The following SYT1 variants were observed in gnomAD, a reference collection of about 807,000 sequenced individuals.
SYT1 encodes the protein synaptotagmin-1.
SYT1 carries 8 observed loss-of-function variants against 44.8 expected under a neutral mutation model. That is an observed-to-expected ratio of 0.18 (90% confidence interval 0.10 to 0.32). The LOEUF (loss-of-function observed/expected upper bound fraction) is 0.32, where lower values mean the gene tolerates loss of function less well. Among genes scored for constraint, SYT1 ranks in the 10% least tolerant of loss-of-function variants. The probability of loss-of-function intolerance (pLI) is 1.00; values close to 1 mark genes in which losing one functional copy is unlikely to be tolerated. For synonymous variants in SYT1, 154 were observed against 188.8 expected (o/e 0.82, Z 1.51); for missense variants, 286 against 509.3 (o/e 0.56, Z 4.22).
At chr12:78,876,857 A>ATATT (rs1491556197) in intron 1 of SYT1, among the ~76,000 whole-genome samples, 1 of 52,822 alleles carries the variant, frequency 1.9e-5, no homozygotes, top group African/African-American at 1.5e-4. Context: ...TATTATATAT[A>ATATT]ATATATATAA....
At chr12:78,995,136 T>A (rs1461550044) in intron 2 of SYT1, among the ~76,000 whole-genome samples, 1 of 152,156 alleles carries the variant, frequency 6.6e-6, no homozygotes, top group Non-Finnish European at 1.5e-5. Flanking sequence ...GCATTAGGAT[T>A]TTTTTAAATC....
At chr12:79,224,732 ATTTT>A (rs1211446112) in intron 4 of SYT1, among the ~76,000 whole-genome samples, 7 of 68,042 alleles carry the variant, frequency 1.0e-4, no homozygotes, top group Admixed American at 5.0e-4. Context: ...GTTTTGTTTC[ATTTT>A]TTATTTATTT....
chr12:79,170,164 T>C (rs1871433191), intron 3 of SYT1, among the ~76,000 whole-genome samples: 1 of 152,136 alleles, frequency 6.6e-6, no homozygotes, highest in African/African-American at 2.4e-5. Flanking sequence ...AACATACACA[T>C]GCATGAGTCT....
At chr12:79,104,139 T>A (rs1878584220) in intron 3 of SYT1, among the ~76,000 whole-genome samples, 1 of 151,392 alleles carries the variant, frequency 6.6e-6, no homozygotes, top group African/African-American at 2.4e-5. Flanking sequence ...TATGTTGACA[T>A]CATTCAATGG....
intron 9 of SYT1, among the ~76,000 whole-genome samples, chr12:79,388,252 T>C (rs1425135056): frequency 6.6e-6 from 1 of 152,226 alleles, no homozygotes; most frequent in Non-Finnish European, 1.5e-5. Context: ...AGTTTTCTAG[T>C]TCCTTGGTCA....
chr12:79,008,660 G>A (rs1871237952), intron 2 of SYT1, among the ~76,000 whole-genome samples: 1 of 152,016 alleles, frequency 6.6e-6, no homozygotes, highest in South Asian at 2.1e-4. Context: ...GAGAGTGAGG[G>A]AAAGAACAGA....
In SYT1 at chr12:79,204,108, A is replaced by G. The variant is rs576404468; in HGVS notation, c.-17-13395A>G. Among the ~76,000 whole-genome samples, 4 of 152,352 alleles carry G rather than the reference A, an allele frequency of 2.6e-5. No individual in the cohort carries two copies. In the East Asian group the frequency reaches 7.7e-4, roughly 29 times the overall value. On this transcript the variant is annotated intron_variant, in intron 3 of 10. Transcript: ENST00000261205. Reference sequence around the variant, plus strand: ...CAAACTTTGGCAAATTCTCTCATCTATAATAGAGAGACACTGTAATAATAT... The same window carrying G: ...CAAACTTTGGCAAATTCTCTCATCTGTAATAGAGAGACACTGTAATAATAT...
intron 1 of SYT1, among the ~76,000 whole-genome samples, chr12:78,929,358 C>CGCCAGT (rs1380066759): frequency 8.1e-6 from 1 of 123,510 alleles, no homozygotes; most frequent in Non-Finnish European, 1.6e-5. Flanking sequence ...GTGGAGATTG[C>CGCCAGT]GCCAGTGTAC....
chr12:79,142,601 T>C (rs1014295768), intron 3 of SYT1, among the ~76,000 whole-genome samples: 2 of 152,226 alleles, frequency 1.3e-5, no homozygotes, highest in Non-Finnish European at 2.9e-5. Flanking sequence ...ATATTTCCAT[T>C]TGGCAAAATG....
At position 79,071,578 on chromosome 12, in the gene SYT1, T is replaced by C. The variant is rs377344040; in HGVS notation, c.-18+24216T>C. Among the ~76,000 whole-genome samples the C allele has an allele frequency of 5.9e-5, 9 of 152,276 alleles. 1 individual carries two copies. The highest frequency in any genetic ancestry group is 3.9e-4 in the East Asian group (2 of 5,186). ...TAACCTCAACAAAAGAAATTTATTCTCTCACAGTTCTGAAGACTAGAAATC... is the reference window on the plus strand; with the variant it reads ...TAACCTCAACAAAAGAAATTTATTCCCTCACAGTTCTGAAGACTAGAAATC... On this transcript the variant is annotated intron_variant, in intron 3 of 10. Coordinates refer to ENST00000261205, the MANE Select transcript of SYT1 (RefSeq NM_005639.3).
intron 3 of SYT1, among the ~76,000 whole-genome samples, chr12:79,190,507 C>A (rs376745325): frequency 7.2e-5 from 11 of 152,066 alleles, no homozygotes; most frequent in African/African-American, 2.7e-4. Flanking sequence ...CCATAGCTGG[C>A]GAAAAGTATG....
At chr12:79,190,343 T>C (rs555712252) in intron 3 of SYT1, among the ~76,000 whole-genome samples, 16 of 152,174 alleles carry the variant, frequency 1.1e-4, no homozygotes, top group South Asian at 6.2e-4. Context: ...CAGCAACTTA[T>C]TGAGATTTGG....
intron 1 of SYT1, among the ~76,000 whole-genome samples, chr12:78,880,001 G>C (rs1183050088): frequency 6.6e-6 from 1 of 151,660 alleles, no homozygotes; most frequent in Non-Finnish European, 1.5e-5. Flanking sequence ...AGATATTTTT[G>C]ACTCTTCAGA....
intron 3 of SYT1, among the ~76,000 whole-genome samples, chr12:79,076,194 G>A (rs1347057553): frequency 6.6e-6 from 1 of 152,054 alleles, no homozygotes; most frequent in Non-Finnish European, 1.5e-5. Flanking sequence ...GGGCCTATTT[G>A]TTCAGATTCT....
intron 1 of SYT1, among the ~76,000 whole-genome samples, chr12:78,881,099 T>G (rs1322871153): frequency 6.6e-6 from 1 of 151,736 alleles, no homozygotes; most frequent in South Asian, 2.1e-4. Flanking sequence ...GACATACACA[T>G]GCAGCTTCCT....
At chr12:78,986,050 T>A (rs1869619193) in intron 2 of SYT1, among the ~76,000 whole-genome samples, 1 of 152,026 alleles carries the variant, frequency 6.6e-6, no homozygotes, top group South Asian at 2.1e-4. Flanking sequence ...TTAACTGGTT[T>A]TATCAGATTC....
intron 3 of SYT1, among the ~76,000 whole-genome samples, chr12:79,130,953 GA>G (rs1868774367): frequency 6.6e-6 from 1 of 152,100 alleles, no homozygotes; most frequent in Admixed American, 6.5e-5. Context: ...TTGAGCATGA[GA>G]CAGGGCATTG....
chr12:79,044,206 A>G (rs1484247918), intron 2 of SYT1, among the ~76,000 whole-genome samples: 3 of 152,072 alleles, frequency 2.0e-5, no homozygotes, highest in Non-Finnish European at 4.4e-5. Context: ...CTCCTGGATA[A>G]TATCCTGCAG....
chr12:78,958,587 C>G (rs1288216600), intron 1 of SYT1, among the ~76,000 whole-genome samples: 1 of 151,792 alleles, frequency 6.6e-6, no homozygotes, highest in Non-Finnish European at 1.5e-5. Flanking sequence ...CCCAGCTACT[C>G]GGGAGGCTAA....
Sources: allele counts gnomAD v4.1 joint callset (sites outside exome capture counted in the v4.1 genomes callset), GRCh38; gene constraint gnomAD v4.1.1; transcripts MANE v1.5; gene names NCBI Gene and HGNC (gene_info 2026-07-23, HGNC 2026-07-21).